The following KAZN variants were observed in gnomAD, a reference collection of about 807,000 sequenced individuals.
KAZN encodes the protein kazrin.
A neutral mutation model predicts 87.4 loss-of-function variants in KAZN; 40 were observed. The ratio of observed to expected loss-of-function variants is 0.46; its 90% CI spans 0.36 to 0.60. The LOEUF is 0.60. KAZN is among the 20% of genes least tolerant of loss of function. KAZN has a pLI of 0.00. For synonymous variants in KAZN, 466 were observed against 458.3 expected, an observed-to-expected ratio of 1.02 and a Z score of -0.22; for missense variants, 898 against 1,073.9, an observed-to-expected ratio of 0.84 and a Z score of 2.29.
chr1:14,757,838 A>G (rs1333404319), intron 1 of KAZN, among the ~76,000 whole-genome samples: 2 of 152,098 alleles, frequency 1.3e-5, no homozygotes, highest in African/African-American at 4.8e-5. Context: ...TGTCCAGTCT[A>G]ATTGTTTATA....
intron 1 of KAZN, among the ~76,000 whole-genome samples, chr1:14,630,457 C>G (rs1260045389): frequency 6.6e-6 from 1 of 152,094 alleles, no homozygotes; most frequent in Non-Finnish European, 1.5e-5. Context: ...GAGGCCAAAA[C>G]GGGAGGATCA....
chr1:14,431,902 G>A (rs975816502), intron 2 of KAZN, among the ~76,000 whole-genome samples: 5 of 152,138 alleles, frequency 3.3e-5, no homozygotes, highest in Admixed American at 2.0e-4. Flanking sequence ...GCTTGCAGAC[G>A]GCTTATCGTG....
At chr1:14,636,433 T>C (rs564045760) in intron 1 of KAZN, among the ~76,000 whole-genome samples, 4 of 152,210 alleles carry the variant, frequency 2.6e-5, no homozygotes, top group Non-Finnish European at 5.9e-5. Context: ...CTTGAGCCCT[T>C]TGGATAGAGG....
intron 1 of KAZN, among the ~76,000 whole-genome samples, chr1:14,830,559 C>T (rs1647023614): frequency 6.6e-6 from 1 of 152,130 alleles, no homozygotes; most frequent in African/African-American, 2.4e-5. Context: ...CACAGTTCTG[C>T]AGGCTGTACA....
intron 2 of KAZN, among the ~76,000 whole-genome samples, chr1:14,490,125 G>A (rs1252142067): frequency 6.6e-6 from 1 of 152,182 alleles, no homozygotes; most frequent in African/African-American, 2.4e-5. Context: ...GGCATAAATG[G>A]CAGTGACTTG....
At chr1:14,428,043 A>G (rs1271731546) in intron 2 of KAZN, among the ~76,000 whole-genome samples, 1 of 152,212 alleles carries the variant, frequency 6.6e-6, no homozygotes, top group Non-Finnish European at 1.5e-5. Context: ...GGGCCCTGGC[A>G]AGGTTATAGT....
intron 1 of KAZN, among the ~76,000 whole-genome samples, chr1:14,104,823 T>C (rs1157679654): frequency 2.0e-5 from 3 of 152,260 alleles, no homozygotes; most frequent in African/African-American, 7.2e-5. Flanking sequence ...GGTTTTGTTT[T>C]ATTCCTAATG....
At chr1:14,479,096 T>C (rs918546281) in intron 2 of KAZN, among the ~76,000 whole-genome samples, 3 of 152,178 alleles carry the variant, frequency 2.0e-5, no homozygotes, top group African/African-American at 7.2e-5. Flanking sequence ...TCTATCCTCA[T>C]TAGTTCAGAG....
At chr1:15,079,589 A>G (rs1003095885) in intron 8 of KAZN, among the ~76,000 whole-genome samples, 2 of 152,088 alleles carry the variant, frequency 1.3e-5, no homozygotes, top group Admixed American at 1.3e-4. Context: ...GTACAGATGC[A>G]CACGTGCCCG....
At chr1:14,430,196 C>A (rs1665967339) in intron 2 of KAZN, among the ~76,000 whole-genome samples, 1 of 149,980 alleles carries the variant, frequency 6.7e-6, no homozygotes, top group African/African-American at 2.5e-5. Flanking sequence ...CCACCTCCAC[C>A]ACCTCTGCCC....
intron 2 of KAZN, among the ~76,000 whole-genome samples, chr1:15,016,652 C>T (rs1442995414): frequency 6.6e-6 from 1 of 152,178 alleles, no homozygotes; most frequent in Admixed American, 6.5e-5. Flanking sequence ...AGGAAACTGA[C>T]GCAAGTGGCT....
intron 8 of KAZN, among the ~76,000 whole-genome samples, chr1:15,076,367 G>A (rs1263011027): frequency 6.6e-6 from 1 of 152,234 alleles, no homozygotes; most frequent in Non-Finnish European, 1.5e-5. Context: ...AGGGGCTTGA[G>A]GAAAGGCCTC....
intron 1 of KAZN, among the ~76,000 whole-genome samples, chr1:14,943,462 A>G (rs976768979): frequency 6.6e-6 from 1 of 152,220 alleles, no homozygotes; most frequent in Non-Finnish European, 1.5e-5. Context: ...ACCCAGGACA[A>G]TGCTTCCTGG....
chr1:14,809,597 A>G (rs1037166418), intron 1 of KAZN, among the ~76,000 whole-genome samples: 8 of 152,196 alleles, frequency 5.3e-5, no homozygotes, highest in African/African-American at 1.9e-4. Flanking sequence ...TTCCGAATAC[A>G]ATTGTCTCCA....
chr1:14,378,677 C>T (rs746299889), intron 2 of KAZN, among the ~76,000 whole-genome samples: 1 of 152,140 alleles, frequency 6.6e-6, no homozygotes, highest in Non-Finnish European at 1.5e-5. Flanking sequence ...GATGCCTGCC[C>T]GCAGAGGGAA....
upstream of KAZN, among the ~76,000 whole-genome samples, chr1:14,596,731 A>G (rs1422897488): frequency 6.6e-6 from 1 of 152,202 alleles, no homozygotes; most frequent in Non-Finnish European, 1.5e-5. Flanking sequence ...GCTTCTTTCA[A>G]CTAACATAAT....
intron 2 of KAZN, among the ~76,000 whole-genome samples, chr1:14,390,926 TACAA>T (rs1288064009): frequency 6.6e-6 from 1 of 152,166 alleles, no homozygotes; most frequent in South Asian, 2.1e-4. Flanking sequence ...TTTTGAAGGG[TACAA>T]ACATTTAAAC....
At chr1:14,083,866 C>T (rs1190734944) in intron 1 of KAZN, among the ~76,000 whole-genome samples, 3 of 152,162 alleles carry the variant, frequency 2.0e-5, no homozygotes, top group Non-Finnish European at 4.4e-5. Context: ...GTTAATCCTC[C>T]CACACTTTCT....
chr1:13,982,169 C>G (rs1638753306), intron 1 of KAZN, among the ~76,000 whole-genome samples: 1 of 152,184 alleles, frequency 6.6e-6, no homozygotes, highest in Non-Finnish European at 1.5e-5. Context: ...ATCCTGGGCT[C>G]TGCTCAGGCG....
Sources: allele counts gnomAD v4.1 joint callset (sites outside exome capture counted in the v4.1 genomes callset), GRCh38; gene constraint gnomAD v4.1.1; transcripts MANE v1.5; gene names NCBI Gene and HGNC (gene_info 2026-07-23, HGNC 2026-07-21).